The following SPATA21 variants were observed in gnomAD, a reference collection of about 807,000 sequenced individuals.
The protein encoded by SPATA21 is spermatogenesis associated 21, also known as spermatogenesis-associated protein 21.
In SPATA21, 47 loss-of-function variants were observed where a neutral mutation model predicts 54.8. The observed-to-expected ratio is 0.86, with a 90% confidence interval of 0.68 to 1.09. The LOEUF (loss-of-function observed/expected upper bound fraction) is 1.09, where lower values mean the gene tolerates loss of function less well. Among genes scored for constraint, SPATA21 ranks in the 50% least tolerant of loss-of-function variants. The pLI, the probability that SPATA21 is intolerant of heterozygous loss-of-function variation, is 0.00. For synonymous variants in SPATA21, 245 were observed against 235.3 expected (o/e 1.04, Z -0.38); for missense variants, 599 against 596.4 (o/e 1.00, Z -0.05).
Position 16,399,391 on chromosome 1 carries a change from A to T in SPATA21, c.1305T>A (p.Asp435Glu). The stretch of plus-strand genomic sequence containing the variant: ...GGAAGAAGGGGCTGCGGATGTCAGG[A>T]TCCAGGCCAGGGGGTGTGCACTGGT... Reference protein sequence around the residue: ...ALDQCTPPGLDPDIRSPFFQS... With the variant: ...ALDQCTPPGLEPDIRSPFFQS... The change falls in exon 12 of 13, where the codon GAT (aspartate) becomes GAA (glutamate). Residue 435 changes from aspartate (D) to glutamate (E), a missense_variant. By Grantham distance (45) the Asp-to-Glu change is conservative. Coordinates refer to ENST00000335496, the MANE Select transcript of SPATA21 (RefSeq NM_198546.1). 6.2e-7 allele frequency: 1 copy of T among 1,613,976 alleles called. No individual in the cohort carries two copies.
At chr1:16,398,588 C>G, downstream of SPATA21, 1 of 670,788 alleles carries the variant, frequency 1.5e-6, no homozygotes, top group South Asian at 1.8e-5. Context: ...CTCTGAGAGC[C>G]CAGTGGTGGC....
Position 16,398,697 on chromosome 1 carries a change from A to T in SPATA21, c.*68T>A. 6.4e-7 allele frequency: 1 copy of T among 1,565,736 alleles called. No homozygotes were observed. Among genetic ancestry groups the T allele is most frequent in the Non-Finnish European group, 8.8e-7 (1 of 1,137,078 alleles). ...GGCCACAAAAGCAAATCCCAGCAGC[A>T]GCTCCTGCCTGGTGGCCCATCTGTC... On this transcript the variant is annotated 3_prime_UTR_variant, in exon 13 of 13. Coordinates refer to ENST00000335496, the MANE Select transcript of SPATA21 (RefSeq NM_198546.1).
Position 16,434,487 on chromosome 1 carries a change from G to A in SPATA21, c.-186-1563C>T, listed in dbSNP as rs1430244301. 2.6e-5 allele frequency among the ~76,000 whole-genome samples: 4 copies of A among 152,056 alleles called. No homozygotes were observed. The East Asian group carries it at 7.7e-4, about 29-fold the overall frequency. ...AAATTTTTTAATTTTAAATAGAGGC[G>A]AGGTCTCATTAGGTTGCCCAGGCTG... On this transcript the variant is annotated intron_variant, in intron 1 of 12. Coordinates refer to ENST00000335496, the MANE Select transcript of SPATA21 (RefSeq NM_198546.1).
At chr1:16,416,403 C>T (rs1017954289) in intron 5 of SPATA21, among the ~76,000 whole-genome samples, 1 of 151,802 alleles carries the variant, frequency 6.6e-6, no homozygotes, top group Non-Finnish European at 1.5e-5. Flanking sequence ...GGGGGCCGGG[C>T]ACGGTGGCTC....
chr1:16,432,114 CT>C (rs35240103), intron 2 of SPATA21, among the ~76,000 whole-genome samples: 40,294 of 132,714 alleles, frequency 0.3, 4,523 homozygotes, highest in East Asian at 0.63. Flanking sequence ...TCTTCTTCTT[CT>C]TTTTTTTTTT....
rs1291767864 is a variant in SPATA21, at chr1:16,432,096, T to TTTC, written c.-51-677_-51-675dup. On this transcript the variant is annotated intron_variant, in intron 2 of 12. Transcript: ENST00000335496. ...ACACATCCTTTCTTTTTCTTTTTCT[T>TTTC]TTCTTCTTCTTCTTCTTCTTTTTTT... Among the ~76,000 whole-genome samples the TTTC allele has an allele frequency of 4.1e-3, 606 of 148,298 alleles. 2 individuals carry two copies. The highest frequency in any genetic ancestry group is 6.8e-3 in the Non-Finnish European group (459 of 67,454).
chr1:16,399,323 A>G (rs41310375), intron 12 of SPATA21, 21 bp downstream of exon 12: 184,598 of 1,596,276 alleles, frequency 0.12, 11,696 homozygotes, highest in African/African-American at 0.15. Flanking sequence ...CTGGGCTGGG[A>G]CCCTTTCTCT....
chr1:16,427,271 C>A (rs1204953306), intron 3 of SPATA21, among the ~76,000 whole-genome samples: 2 of 152,020 alleles, frequency 1.3e-5, no homozygotes, highest in Non-Finnish European at 2.9e-5. Context: ...GGCCTCGGAC[C>A]TGGCTTGAGT....
chr1:16,435,908 A>G (rs114229461), intron 1 of SPATA21, among the ~76,000 whole-genome samples: 7,837 of 152,180 alleles, frequency 0.051, 304 homozygotes, highest in Non-Finnish European at 0.078. Context: ...TGTGGATTAC[A>G]TTTTCACCTT....
Position 16,409,924 on chromosome 1 carries a change from G to A in SPATA21, c.264C>T (p.Cys88=), listed in dbSNP as rs1185270022. ...LGNFRQGFMK[C]LLEVEKMEAS... ...CCTCCATTTTCTCCACCTCCAGCAAGCACTTCATGAAGCCCTGCCGGAAGT... is the reference window on the plus strand; with the variant it reads ...CCTCCATTTTCTCCACCTCCAGCAAACACTTCATGAAGCCCTGCCGGAAGT... Residue 88 remains cysteine (C), a synonymous_variant, in exon 6 of 13, where the codon TGC becomes TGT. Coordinates refer to ENST00000335496, the MANE Select transcript of SPATA21 (RefSeq NM_198546.1). The surrounding 1 kb of genome is among the most constrained non-coding windows in gnomAD (Gnocchi z 4.1). 3 of 1,613,838 alleles carry A rather than the reference G, an allele frequency of 1.9e-6. No individual in the cohort carries two copies. Among genetic ancestry groups the A allele is most frequent in the Non-Finnish European group, 2.5e-6 (3 of 1,179,942 alleles).
Position 16,404,109 on chromosome 1 carries a change from G to C in SPATA21, c.812-70C>G, listed in dbSNP as rs1033635596. 9.6e-6 allele frequency: 13 copies of C among 1,349,396 alleles called. No homozygotes were observed. In the East Asian group the frequency reaches 2.0e-4, roughly 21 times the overall value. The allele number at this position is 1,349,396 out of a possible 1,614,324, so 83.6% of individuals were successfully genotyped here. ...GGTCCATGCCTTGCAGCCCAGGCGT[G>C]GTTATTAGAAGTCACTGTCTGGGTC... On this transcript the variant is annotated intron_variant, in intron 8 of 12. Transcript: ENST00000335496.
intron 1 of SPATA21, among the ~76,000 whole-genome samples, chr1:16,433,128 G>T (rs183980672): frequency 1.3e-4 from 20 of 152,304 alleles, no homozygotes; most frequent in African/African-American, 4.8e-4. Context: ...ACACGTGCCC[G>T]TGCTAGGGAC....
At chr1:16,405,857 A>G (rs530685169) in intron 7 of SPATA21, among the ~76,000 whole-genome samples, 6 of 152,360 alleles carry the variant, frequency 3.9e-5, no homozygotes, top group African/African-American at 1.4e-4. Flanking sequence ...AGACTTAGTC[A>G]GAAAAACTGT....
chr1:16,399,608 G>T, intron 11 of SPATA21, 87 bp from the exon 12 acceptor site: 1 of 1,437,836 alleles, frequency 7.0e-7, no homozygotes. Context: ...TCCTGGCGTT[G>T]CTACATAATG....
intron 10 of SPATA21, among the ~76,000 whole-genome samples, chr1:16,402,154 G>A (rs1250405176): frequency 1.3e-5 from 2 of 152,034 alleles, no homozygotes; most frequent in African/African-American, 4.8e-5. Flanking sequence ...AGAAGTGTCG[G>A]GGAGTTAAGC....
At chr1:16,433,149 C>CT (rs1333804579) in intron 1 of SPATA21, among the ~76,000 whole-genome samples, 1 of 152,254 alleles carries the variant, frequency 6.6e-6, no homozygotes, top group Non-Finnish European at 1.5e-5. Flanking sequence ...AACGTCAGGC[C>CT]TTAGGGGATA....
chr1:16,426,626 G>A (rs2086333005), intron 3 of SPATA21, among the ~76,000 whole-genome samples: 1 of 139,624 alleles, frequency 7.2e-6, no homozygotes, highest in Non-Finnish European at 1.5e-5. Context: ...TGTTGCCCAG[G>A]CTGGAGTGCA....
intron 5 of SPATA21, among the ~76,000 whole-genome samples, chr1:16,417,283 G>T (rs887752130): frequency 6.6e-6 from 1 of 151,732 alleles, no homozygotes; most frequent in African/African-American, 2.4e-5. Context: ...CTTTTGAGAC[G>T]GAGTTTCACT....
intron 5 of SPATA21, among the ~76,000 whole-genome samples, chr1:16,415,628 C>T (rs188700773): frequency 4.0e-5 from 6 of 151,782 alleles, no homozygotes; most frequent in Non-Finnish European, 7.4e-5. Context: ...GGTGTGATCT[C>T]GGCTCACTGC....
Sources: allele counts gnomAD v4.1 joint callset (sites outside exome capture counted in the v4.1 genomes callset), GRCh38; gene constraint gnomAD v4.1.1; non-coding constraint Gnocchi (gnomAD v3.1); transcripts MANE v1.5; gene names NCBI Gene and HGNC (gene_info 2026-07-23, HGNC 2026-07-21).